CACHD1: variants seen among roughly 807,000 people sequenced by gnomAD.
CACHD1 encodes VWFA and cache domain-containing protein 1.
A neutral mutation model predicts 138.7 loss-of-function variants in CACHD1; 71 were observed. That is an observed-to-expected ratio of 0.51 (90% CI 0.42 to 0.62). CACHD1 has a LOEUF of 0.62. Ranked by LOEUF, CACHD1 falls within the 20% of genes least tolerant of loss-of-function variation. The pLI, the probability that CACHD1 is intolerant of heterozygous loss-of-function variation, is 0.00. For synonymous variants in CACHD1, 578 were observed against 591.5 expected (o/e 0.98, Z 0.33); for missense variants, 1,389 against 1,625.3 (o/e 0.85, Z 2.50).
chr1:64,646,158 A>G (rs1332468009), intron 8 of CACHD1, among the ~76,000 whole-genome samples: 1 of 152,182 alleles, frequency 6.6e-6, no homozygotes, highest in Non-Finnish European at 1.5e-5. Context: ...CAAGCAATAC[A>G]TGACAAAGAA....
At chr1:64,522,227 G>C (rs891926097) in intron 1 of CACHD1, among the ~76,000 whole-genome samples, 3 of 152,082 alleles carry the variant, frequency 2.0e-5, no homozygotes, top group Non-Finnish European at 4.4e-5. Flanking sequence ...CCACTGAATG[G>C]TTTTGGCACC....
intron 1 of CACHD1, among the ~76,000 whole-genome samples, chr1:64,539,076 C>G (rs536910374): frequency 7.2e-5 from 11 of 152,240 alleles, no homozygotes; most frequent in Middle Eastern, 3.4e-3. Context: ...GTCAGAGCCT[C>G]TCAAGCATCA....
chr1:64,473,552 T>C (rs1191235050), intron 1 of CACHD1, among the ~76,000 whole-genome samples: 1 of 151,704 alleles, frequency 6.6e-6, no homozygotes, highest in African/African-American at 2.4e-5. Context: ...AGGTGTGACT[T>C]CCTACGAAGA....
At chr1:64,654,148 G>C (rs1395364427) in intron 11 of CACHD1, among the ~76,000 whole-genome samples, 6 of 152,050 alleles carry the variant, frequency 3.9e-5, no homozygotes, top group African/African-American at 1.4e-4. Flanking sequence ...TGTAAAATCA[G>C]ATATATTTCA....
chr1:64,517,293 G>T (rs1264917286), intron 1 of CACHD1, among the ~76,000 whole-genome samples: 1 of 152,136 alleles, frequency 6.6e-6, no homozygotes, highest in Non-Finnish European at 1.5e-5. Context: ...ATCCATTTCT[G>T]CATGGAGGTT....
chr1:64,626,570 T>G (rs1648108847), intron 4 of CACHD1, among the ~76,000 whole-genome samples: 2 of 152,260 alleles, frequency 1.3e-5, no homozygotes, highest in South Asian at 4.1e-4. Flanking sequence ...ACTTGGCCTC[T>G]GGCTTCCTGT....
chr1:64,622,078 C>A (rs1440339233), intron 4 of CACHD1, among the ~76,000 whole-genome samples: 2 of 152,082 alleles, frequency 1.3e-5, no homozygotes, highest in Non-Finnish European at 1.5e-5. Context: ...ATAGAAAATG[C>A]AAAATAGCAC....
chr1:64,494,158 G>A (rs1048855645), intron 1 of CACHD1, among the ~76,000 whole-genome samples: 1 of 152,124 alleles, frequency 6.6e-6, no homozygotes, highest in African/African-American at 2.4e-5. Context: ...TTGCAATGAG[G>A]GCCCCACTTC....
chr1:64,520,769 C>T (rs560128050), intron 1 of CACHD1, among the ~76,000 whole-genome samples: 58 of 152,198 alleles, frequency 3.8e-4, no homozygotes, highest in Admixed American at 2.0e-3. Context: ...ATATTAGTTA[C>T]CATTTACTGA....
chr1:64,607,239 G>A (rs149882506), intron 4 of CACHD1, among the ~76,000 whole-genome samples: 48 of 152,290 alleles, frequency 3.2e-4, no homozygotes, highest in African/African-American at 1.2e-3. Context: ...GGGCAGTCAG[G>A]CAGGTAGAAA....
chr1:64,566,083 A>C (rs1646878351), intron 2 of CACHD1, among the ~76,000 whole-genome samples: 2 of 152,146 alleles, frequency 1.3e-5, no homozygotes, highest in Non-Finnish European at 1.5e-5. Context: ...CTCATTTATA[A>C]ATTTTATTAA....
intron 2 of CACHD1, among the ~76,000 whole-genome samples, chr1:64,556,562 C>T (rs1255848143): frequency 6.6e-6 from 1 of 152,130 alleles, no homozygotes; most frequent in Admixed American, 6.5e-5. Context: ...TACTATCTAA[C>T]TTGGCAGGAA....
At chr1:64,549,519 C>T (rs1486719884) in intron 1 of CACHD1, among the ~76,000 whole-genome samples, 1 of 152,154 alleles carries the variant, frequency 6.6e-6, no homozygotes, top group Non-Finnish European at 1.5e-5. Flanking sequence ...GACCAAACCT[C>T]CCTCTAAGCC....
intron 2 of CACHD1, among the ~76,000 whole-genome samples, chr1:64,557,947 T>A (rs1187661547): frequency 6.6e-6 from 1 of 152,030 alleles, no homozygotes; most frequent in Non-Finnish European, 1.5e-5. Flanking sequence ...TACAGGCATG[T>A]GCCTCCACGC....
chr1:64,670,477 G>T (rs1019122842), intron 16 of CACHD1, among the ~76,000 whole-genome samples: 6 of 152,104 alleles, frequency 3.9e-5, no homozygotes, highest in South Asian at 2.1e-4. Flanking sequence ...TCCTATGTTG[G>T]GTAAACTGCA....
chr1:64,643,817 G>A (rs1271907808), intron 8 of CACHD1, among the ~76,000 whole-genome samples: 4 of 152,170 alleles, frequency 2.6e-5, no homozygotes, highest in Admixed American at 2.0e-4. Context: ...CAGCCTGGGC[G>A]ACAGAGCAAG....
At chr1:64,636,821 C>G (rs1648540048) in intron 7 of CACHD1, among the ~76,000 whole-genome samples, 1 of 152,178 alleles carries the variant, frequency 6.6e-6, no homozygotes, top group Non-Finnish European at 1.5e-5. Flanking sequence ...TCTTTGCAAG[C>G]ACCATCACAG....
At chr1:64,479,336 G>C (rs1646195669) in intron 1 of CACHD1, among the ~76,000 whole-genome samples, 1 of 152,190 alleles carries the variant, frequency 6.6e-6, no homozygotes, top group South Asian at 2.1e-4. Flanking sequence ...AGGATGCTTG[G>C]AGAAAGTGTC....
intron 1 of CACHD1, among the ~76,000 whole-genome samples, chr1:64,526,520 G>T (rs1646539999): frequency 6.6e-6 from 1 of 152,150 alleles, no homozygotes; most frequent in Non-Finnish European, 1.5e-5. Flanking sequence ...TCCTGAGAGG[G>T]CTGATTGCTC....
Sources: allele counts gnomAD v4.1 joint callset (sites outside exome capture counted in the v4.1 genomes callset), GRCh38; gene constraint gnomAD v4.1.1; transcripts MANE v1.5; gene names NCBI Gene and HGNC (gene_info 2026-07-23, HGNC 2026-07-21).